Variants in ABTB2 observed in about 807,000 individuals in gnomAD.
The protein encoded by ABTB2 is ankyrin repeat and BTB domain containing 2, also known as ankyrin repeat and BTB/POZ domain-containing protein 2.
A neutral mutation model predicts 104.1 loss-of-function variants in ABTB2; 56 were observed. The observed-to-expected ratio is 0.54, with a 90% CI of 0.43 to 0.67. The LOEUF is 0.67. ABTB2 is among the 30% of genes least tolerant of loss of function. The probability of loss-of-function intolerance (pLI) is 0.00; values close to 1 mark genes in which losing one functional copy is unlikely to be tolerated. For missense variants in ABTB2, 1,279 were observed against 1,407.7 expected, an observed-to-expected ratio of 0.91 and a Z score of 1.46; for synonymous variants, 606 against 608.2, an observed-to-expected ratio of 1.00 and a Z score of 0.05.
Position 34,161,012 on chromosome 11 carries a change from A to G in ABTB2, c.2288T>C (p.Val763Ala). ...RTSFSQSRYS[V>A]VQSLLRDFSS... ...GAAGTCCCGCAGGAGGCTCTGCACC[A>G]CCGAGTACCGCGACTGCGAGAACGA... The change falls in exon 11 of 17, where the codon GTG (valine) becomes GCG (alanine). Residue 763 changes from valine to alanine, a missense_variant. Physicochemically the swap from Val to Ala is moderately conservative, Grantham distance 64. Coordinates refer to ENST00000435224, the MANE Select transcript of ABTB2 (RefSeq NM_145804.3). 6.2e-7 allele frequency: 1 copy of G among 1,613,652 alleles called. No homozygotes were observed. Among genetic ancestry groups the G allele is most frequent in the Non-Finnish European group, 8.5e-7 (1 of 1,179,864 alleles).
At chr11:34,246,101 G>A (rs550598009) in intron 1 of ABTB2, among the ~76,000 whole-genome samples, 25 of 152,292 alleles carry the variant, frequency 1.6e-4, no homozygotes, top group African/African-American at 5.8e-4. Context: ...GATCAGCCAG[G>A]AGACACACCT....
At chr11:34,193,885 G>A (rs945990697) in intron 3 of ABTB2, among the ~76,000 whole-genome samples, 2 of 152,194 alleles carry the variant, frequency 1.3e-5, no homozygotes, top group South Asian at 2.1e-4. Flanking sequence ...CTGAGTTCCT[G>A]CTGCTTCTGC....
intron 1 of ABTB2, among the ~76,000 whole-genome samples, chr11:34,273,691 G>A (rs1854347118): frequency 1.3e-5 from 2 of 152,046 alleles, no homozygotes; most frequent in African/African-American, 2.4e-5. Flanking sequence ...CTGGCTTCAA[G>A]GTCAAAGTTC....
intron 3 of ABTB2, among the ~76,000 whole-genome samples, chr11:34,174,530 T>G (rs972553801): frequency 6.6e-6 from 1 of 152,192 alleles, no homozygotes; most frequent in Non-Finnish European, 1.5e-5. Context: ...GCACAGCCTG[T>G]GCTGGGCCCT....
At chr11:34,288,358 T>C (rs1854528946) in intron 1 of ABTB2, among the ~76,000 whole-genome samples, 1 of 152,194 alleles carries the variant, frequency 6.6e-6, no homozygotes, top group Non-Finnish European at 1.5e-5. Flanking sequence ...CGAATTTCTA[T>C]TCAATCACCT....
At chr11:34,316,920 C>G (rs147527633) in intron 1 of ABTB2, among the ~76,000 whole-genome samples, 1,829 of 152,240 alleles carry the variant, frequency 0.012, 21 homozygotes, top group Middle Eastern at 0.037. Context: ...TGGGGAAGCC[C>G]GGGAGGCACA....
intron 1 of ABTB2, among the ~76,000 whole-genome samples, chr11:34,343,506 G>A (rs1006677315): frequency 2.0e-5 from 3 of 151,870 alleles, no homozygotes; most frequent in East Asian, 1.9e-4. Flanking sequence ...ACAGAGTCTC[G>A]CTCTGTTGCT....
intron 1 of ABTB2, among the ~76,000 whole-genome samples, chr11:34,272,725 A>AAC (rs1784768800): frequency 1.3e-5 from 2 of 150,012 alleles, no homozygotes; most frequent in Admixed American, 6.7e-5. Context: ...AAAAAAAAAA[A>AAC]AAAAAACCAA....
At chr11:34,334,948 T>C (rs753850584) in intron 1 of ABTB2, among the ~76,000 whole-genome samples, 1 of 152,210 alleles carries the variant, frequency 6.6e-6, no homozygotes, top group Non-Finnish European at 1.5e-5. Context: ...ATATGAATAA[T>C]GAACATTTGC....
rs549820561 is a variant in ABTB2, at chr11:34,278,189, A to G, written c.884-73499T>C. Among the ~76,000 whole-genome samples, 345 of 147,410 alleles carry G rather than the reference A, an allele frequency of 2.3e-3. 1 individual carries two copies. The highest frequency in any genetic ancestry group is 8.4e-3 in the African/African-American group (329 of 39,124). Reference sequence around the variant, plus strand: ...GAGCAGGATATAATACAAAAAAACTAAAAAAAAAAGTTAAAAAAATAAAAA... The same window carrying G: ...GAGCAGGATATAATACAAAAAAACTGAAAAAAAAAGTTAAAAAAATAAAAA... On this transcript the variant is annotated intron_variant, in intron 1 of 16. Transcript: ENST00000435224.
intron 1 of ABTB2, among the ~76,000 whole-genome samples, chr11:34,236,773 G>A (rs1370146636): frequency 1.3e-5 from 2 of 152,140 alleles, no homozygotes; most frequent in Non-Finnish European, 2.9e-5. Flanking sequence ...CGCATCAGCC[G>A]CAAAGCTGCT....
At chr11:34,261,495 C>CTT (rs34242736) in intron 1 of ABTB2, among the ~76,000 whole-genome samples, 2 of 146,276 alleles carry the variant, frequency 1.4e-5, no homozygotes, top group African/African-American at 2.5e-5. Flanking sequence ...TAAAAAAGTA[C>CTT]TTTTTTTTTT....
At chr11:34,237,129 G>C (rs1853854464) in intron 1 of ABTB2, among the ~76,000 whole-genome samples, 1 of 152,076 alleles carries the variant, frequency 6.6e-6, no homozygotes, top group South Asian at 2.1e-4. Context: ...TTTCTCATCT[G>C]TAAAATGGAG....
chr11:34,256,249 C>T (rs1338267217), intron 1 of ABTB2, among the ~76,000 whole-genome samples: 1 of 152,120 alleles, frequency 6.6e-6, no homozygotes, highest in Non-Finnish European at 1.5e-5. Context: ...AAAACACAGA[C>T]AGAAAATAAA....
intron 1 of ABTB2, among the ~76,000 whole-genome samples, chr11:34,239,222 T>G (rs1288981891): frequency 2.0e-5 from 3 of 152,218 alleles, no homozygotes. Flanking sequence ...GATGATTCAC[T>G]GTCTTGGCCT....
At position 34,252,044 on chromosome 11, in the gene ABTB2, G is replaced by A. The variant is rs748026775; in HGVS notation, c.884-47354C>T. On this transcript the variant is annotated intron_variant, in intron 1 of 16. Coordinates refer to ENST00000435224, the MANE Select transcript of ABTB2 (RefSeq NM_145804.3). This position sits in a 1 kb window ranked among gnomAD's most constrained non-coding sequence, Gnocchi z 5.5. ...ACCCCACTCCCATCCCCTCCACCCA[G>A]GGGCTTGCAATCCCAGGGAAGAGGA... Among the ~76,000 whole-genome samples, 2 of 152,080 alleles carry A rather than the reference G, an allele frequency of 1.3e-5. No homozygotes were observed. The highest frequency in any genetic ancestry group is 2.9e-5 in the Non-Finnish European group (2 of 68,010).
intron 1 of ABTB2, among the ~76,000 whole-genome samples, chr11:34,349,867 C>A (rs942957955): frequency 6.6e-6 from 1 of 152,110 alleles, no homozygotes; most frequent in Admixed American, 6.5e-5. Flanking sequence ...AACTAAGGCA[C>A]GGAAGTGAAA....
At chr11:34,241,634 G>A (rs966917172) in intron 1 of ABTB2, among the ~76,000 whole-genome samples, 1 of 152,220 alleles carries the variant, frequency 6.6e-6, no homozygotes, top group Non-Finnish European at 1.5e-5. Flanking sequence ...GCTCAAGCCT[G>A]TAATCACAGC....
rs58009507 is a variant in ABTB2 at position 34,176,279 on chromosome 11, CAAAAAAAAAA to C, written c.1245-2982_1245-2973del. 8.0e-5 allele frequency among the ~76,000 whole-genome samples: 6 copies of C among 74,830 alleles called. No homozygotes were observed. The Admixed American group carries it at 1.0e-3, about 13-fold the overall frequency. 49.1% of individuals were successfully genotyped at this position (74,830 alleles called of 152,430 possible). ...AGGGTGACAGAGTGAGACTCCGTCTCAAAAAAAAAAAAAAAAAAAAAAAGAGAAAGAAATA... is the reference window on the plus strand; with the variant it reads ...AGGGTGACAGAGTGAGACTCCGTCTCAAAAAAAAAAAAAGAGAAAGAAATA... On this transcript the variant is annotated intron_variant, in intron 3 of 16. Coordinates refer to ENST00000435224, the MANE Select transcript of ABTB2 (RefSeq NM_145804.3).
Sources: allele counts gnomAD v4.1 joint callset (sites outside exome capture counted in the v4.1 genomes callset), GRCh38; gene constraint gnomAD v4.1.1; non-coding constraint Gnocchi (gnomAD v3.1); transcripts MANE v1.5; gene names NCBI Gene and HGNC (gene_info 2026-07-23, HGNC 2026-07-21).